The following PTBP3 variants were observed in gnomAD, a reference collection of about 807,000 sequenced individuals.
The protein encoded by PTBP3 is polypyrimidine tract binding protein 3.
In PTBP3, 20 loss-of-function variants were observed where a neutral mutation model predicts 58.7. That is an observed-to-expected ratio of 0.34 (90% CI 0.24 to 0.50). PTBP3 has a LOEUF of 0.50. Ranked by LOEUF, PTBP3 falls within the 20% of genes least tolerant of loss-of-function variation. The pLI, the probability that PTBP3 is intolerant of heterozygous loss-of-function variation, is 0.98. For synonymous variants in PTBP3, 185 were observed against 219.8 expected (o/e 0.84, Z 1.40); for missense variants, 509 against 637.2 (o/e 0.80, Z 2.17).
In PTBP3 at chr9:112,240,854, T is replaced by C. The variant is rs114824878; in HGVS notation, c.803-5957A>G. Among the ~76,000 whole-genome samples the C allele has an allele frequency of 3.6e-3, 551 of 152,114 alleles. 4 individuals carry two copies. Among genetic ancestry groups the C allele is most frequent in the African/African-American group, 0.013 (531 of 41,534 alleles). ...TTGTGTAGGCCTAGGCTAACGTGTGTATGTGTCTTAGTTTTTAACAAAAAA... is the reference window on the plus strand; with the variant it reads ...TTGTGTAGGCCTAGGCTAACGTGTGCATGTGTCTTAGTTTTTAACAAAAAA... On this transcript the variant is annotated intron_variant, in intron 7 of 13. Coordinates refer to ENST00000374257, the MANE Select transcript of PTBP3 (RefSeq NM_001163788.4).
intron 1 of PTBP3, chr9:112,333,166 G>T: frequency 8.4e-7 from 1 of 1,184,632 alleles, no homozygotes; most frequent in Non-Finnish European, 1.1e-6. Context: ...CGCGGAGGGC[G>T]GACCTCGGCA....
the PTBP3 span, among the ~76,000 whole-genome samples, chr9:112,363,973 A>G: frequency 6.6e-6 from 1 of 152,138 alleles, no homozygotes; most frequent in Admixed American, 6.6e-5. Flanking sequence ...TGCCCTAAAA[A>G]TCTTCTGATC....
chr9:112,311,273 G>C (rs1242436085), intron 1 of PTBP3, among the ~76,000 whole-genome samples: 1 of 151,848 alleles, frequency 6.6e-6, no homozygotes, highest in African/African-American at 2.4e-5. Context: ...ATCACAGATT[G>C]AAAATATTTG....
At chr9:112,368,616 T>A in the PTBP3 span, among the ~76,000 whole-genome samples, 16 of 152,192 alleles carry the variant, frequency 1.1e-4, no homozygotes, top group South Asian at 4.1e-4. Context: ...TTCATTCCCA[T>A]ACACATGGGC....
intron 7 of PTBP3, among the ~76,000 whole-genome samples, chr9:112,238,406 C>G (rs1382135245): frequency 3.3e-5 from 5 of 151,794 alleles, no homozygotes; most frequent in South Asian, 4.2e-4. Context: ...AAATGCAGCT[C>G]AGAAAGAAAA....
intron 7 of PTBP3, among the ~76,000 whole-genome samples, chr9:112,240,076 G>A (rs1385474007): frequency 3.3e-5 from 5 of 152,024 alleles, no homozygotes; most frequent in African/African-American, 1.2e-4. Context: ...GTATTGAGGG[G>A]TAGAAGGATG....
chr9:112,256,272 AATATATATATAT>A (rs1186696553), intron 5 of PTBP3, among the ~76,000 whole-genome samples: 162 of 82,824 alleles, frequency 2.0e-3, no homozygotes, highest in African/African-American at 2.2e-3. Flanking sequence ...AAAAAAACAA[AATATATATATAT>A]ATATATATAC....
chr9:112,254,326 T>C (rs988403284), intron 5 of PTBP3, among the ~76,000 whole-genome samples: 3 of 152,026 alleles, frequency 2.0e-5, no homozygotes, highest in African/African-American at 7.3e-5. Context: ...AGAATAACTA[T>C]CCTTCCCTGG....
At chr9:112,327,559 C>T (rs1309432866) in intron 1 of PTBP3, among the ~76,000 whole-genome samples, 1 of 151,834 alleles carries the variant, frequency 6.6e-6, no homozygotes, top group Non-Finnish European at 1.5e-5. Flanking sequence ...AGACCACCGT[C>T]TCAAAAAAAG....
the PTBP3 span, among the ~76,000 whole-genome samples, chr9:112,342,476 G>C: frequency 6.6e-6 from 1 of 152,192 alleles, no homozygotes; most frequent in Non-Finnish European, 1.5e-5. Context: ...CAACACTTTG[G>C]GAGGCCGAAG....
chr9:112,254,102 C>T (rs944103730), intron 5 of PTBP3, among the ~76,000 whole-genome samples: 1 of 152,110 alleles, frequency 6.6e-6, no homozygotes, highest in African/African-American at 2.4e-5. Context: ...GCGATCCTCC[C>T]ATCTCAGCCT....
At chr9:112,253,696 G>T (rs562131122) in intron 5 of PTBP3, among the ~76,000 whole-genome samples, 1 of 152,188 alleles carries the variant, frequency 6.6e-6, no homozygotes, top group South Asian at 2.1e-4. Flanking sequence ...CCCCTTTGTT[G>T]TTCTCGTGAT....
chr9:112,278,126 A>G (rs1827705518), intron 2 of PTBP3, among the ~76,000 whole-genome samples: 1 of 152,172 alleles, frequency 6.6e-6, no homozygotes, highest in Non-Finnish European at 1.5e-5. Context: ...CAAATACCCA[A>G]ACTAAAGTGT....
the PTBP3 span, among the ~76,000 whole-genome samples, chr9:112,354,298 T>C: frequency 1.9e-4 from 29 of 152,314 alleles, no homozygotes; most frequent in African/African-American, 6.0e-4. Context: ...GGTGAAGCTG[T>C]TGTTCTCCCG....
At chr9:112,333,678 C>A, upstream of PTBP3, 1 of 504,928 alleles carries the variant, frequency 2.0e-6, no homozygotes, top group South Asian at 3.7e-5. Context: ...GCCTTCCCCA[C>A]CCCGCGAGCG....
chr9:112,314,025 G>A (rs1339542678), intron 1 of PTBP3, among the ~76,000 whole-genome samples: 2 of 152,192 alleles, frequency 1.3e-5, no homozygotes, highest in Non-Finnish European at 2.9e-5. Flanking sequence ...GAGGTTATGT[G>A]TAAGCACTGT....
chr9:112,262,519 G>T lies in PTBP3; in HGVS notation c.432C>A (p.Gly144=). 6.2e-7 allele frequency: 1 copy of T among 1,611,762 alleles called. No individual in the cohort carries two copies. The highest frequency in any genetic ancestry group is 1.1e-5 in the South Asian group (1 of 90,476). Residue 144 remains glycine (G), a synonymous_variant, in exon 5 of 14, where the codon GGC becomes GGA. Coordinates refer to ENST00000374257, the MANE Select transcript of PTBP3 (RefSeq NM_001163788.4). ...CAGGGCTCTGCCCAGGTAGGACTGT[G>T]CCTTCATTGGAAGGACCTCCAGAAA... ...LALSGGPSNE[G]TVLPGQSPVL...
chr9:112,327,966 C>T (rs1830224637), intron 1 of PTBP3, among the ~76,000 whole-genome samples: 1 of 152,096 alleles, frequency 6.6e-6, no homozygotes, highest in Non-Finnish European at 1.5e-5. Context: ...AGCAAAAATC[C>T]CTGCCCTCAT....
chr9:112,296,566 G>C (rs1828698881), intron 2 of PTBP3, among the ~76,000 whole-genome samples: 1 of 151,942 alleles, frequency 6.6e-6, no homozygotes, highest in Non-Finnish European at 1.5e-5. Flanking sequence ...AAAACATCTG[G>C]ATAAAGAAAC....
Sources: allele counts gnomAD v4.1 joint callset (sites outside exome capture counted in the v4.1 genomes callset), GRCh38; gene constraint gnomAD v4.1.1; transcripts MANE v1.5; gene names NCBI Gene and HGNC (gene_info 2026-07-23, HGNC 2026-07-21).